Variants in CD34 observed in about 807,000 individuals in gnomAD.
The protein encoded by CD34 is hematopoietic progenitor cell antigen CD34.
A neutral mutation model predicts 40.1 loss-of-function variants in CD34; 34 were observed. The observed-to-expected ratio is 0.85, with a 90% CI of 0.65 to 1.13. CD34 has a LOEUF of 1.13. CD34 is among the 50% of genes most tolerant of loss of function. The pLI, the probability that CD34 is intolerant of heterozygous loss-of-function variation, is 0.00. For missense variants in CD34, 426 were observed against 466.9 expected (o/e 0.91, Z 0.81); for synonymous variants, 209 against 190.0 (o/e 1.10, Z -0.82).
At chr1:207,905,126 C>T (rs1482299779) in intron 1 of CD34, among the ~76,000 whole-genome samples, 1 of 152,124 alleles carries the variant, frequency 6.6e-6, no homozygotes, top group Non-Finnish European at 1.5e-5. Flanking sequence ...TAAAGAATGG[C>T]TTTTACATTC....
intron 6 of CD34, 86 bp downstream of exon 6, chr1:207,889,075 G>A (rs1370315126): frequency 3.1e-6 from 3 of 952,540 alleles, no homozygotes; most frequent in Non-Finnish European, 3.5e-6. Flanking sequence ...AGGTAGAACT[G>A]GGGAAGATAA....
chr1:207,891,249 A>G (rs1477624215), intron 4 of CD34, among the ~76,000 whole-genome samples: 2 of 152,192 alleles, frequency 1.3e-5, no homozygotes, highest in African/African-American at 4.8e-5. Flanking sequence ...TGAATATAGG[A>G]CACTGCGTGA....
chr1:207,899,091 G>T lies in CD34; in HGVS notation c.398C>A (p.Thr133Asn), dbSNP rs148688256. ...TPANVSTPET[T>N]LKPSLSPGNV... ...TCCAGGTGACAGGCTAGGCTTCAAG[G>T]TTGTCTCTGGAGTTGAAACGTTGGC... The change falls in exon 3 of 8, where the codon ACC becomes AAC. Residue 133 changes from threonine to asparagine, a missense_variant. Coordinates refer to ENST00000310833, the MANE Select transcript of CD34 (RefSeq NM_001025109.2). The T allele has an allele frequency of 4.8e-5, 78 of 1,614,106 alleles. No homozygotes were observed. Among genetic ancestry groups the T allele is most frequent in the Non-Finnish European group, 6.2e-5 (73 of 1,180,032 alleles).
intron 1 of CD34, among the ~76,000 whole-genome samples, chr1:207,903,508 T>C (rs549298652): frequency 1.3e-5 from 2 of 152,352 alleles, no homozygotes; most frequent in Admixed American, 1.3e-4. Context: ...TCCATCCTTA[T>C]TAACTGTGTT....
At chr1:207,889,667 T>C (rs765701929) in intron 4 of CD34, 46 bp from the exon 5 acceptor site, 12 of 1,612,182 alleles carry the variant, frequency 7.4e-6, no homozygotes, top group Admixed American at 1.7e-5. Flanking sequence ...AAATTACTGC[T>C]CTGCCCTAAA....
intron 4 of CD34, among the ~76,000 whole-genome samples, chr1:207,892,882 G>T (rs1662066412): frequency 6.6e-6 from 1 of 152,110 alleles, no homozygotes; most frequent in Admixed American, 6.5e-5. Flanking sequence ...CCAACCAGTT[G>T]GCCTCCACAC....
At chr1:207,889,028 TCAAGAC>T in intron 6 of CD34, 127 bp downstream of exon 6, 2 of 881,492 alleles carry the variant, frequency 2.3e-6, no homozygotes, top group Admixed American at 2.1e-5. Context: ...CATTTTTGGT[TCAAGAC>T]TAGAAAGGAG....
At chr1:207,891,821 C>T (rs2724400) in intron 4 of CD34, among the ~76,000 whole-genome samples, 75,380 of 150,260 alleles carry the variant, frequency 0.5, 19,250 homozygotes, top group African/African-American at 0.58. Context: ...TGAAGAGACT[C>T]CAGAGGCCAG....
Position 207,911,098 on chromosome 1 carries a change from T to C in CD34, c.-18A>G. On this transcript the variant is annotated 5_prime_UTR_variant, in exon 1 of 8. Coordinates refer to ENST00000310833, the MANE Select transcript of CD34 (RefSeq NM_001025109.2). ...ACCAGCATCCTTCCCGCGCGGCTCC[T>C]AGAGAGACGCACCGAGTGGAAGACA... The C allele has an allele frequency of 6.4e-7, 1 of 1,562,572 alleles. No individual in the cohort carries two copies. The highest frequency in any genetic ancestry group is 8.6e-7 in the Non-Finnish European group (1 of 1,157,674).
In CD34 at chr1:207,910,928, T is replaced by C. The variant is rs1367197808; in HGVS notation, c.79+74A>G. On this transcript the variant is annotated intron_variant, in intron 1 of 7. Transcript: ENST00000310833. ...TTCCCTCCGTGAGACTCTGCTCTGCTGTTCAGCCTCCCAGAAAGCCTCCAC... is the reference window on the plus strand; with the variant it reads ...TTCCCTCCGTGAGACTCTGCTCTGCCGTTCAGCCTCCCAGAAAGCCTCCAC... 2.9e-6 allele frequency: 4 copies of C among 1,402,862 alleles called. No individual in the cohort carries two copies. The African/African-American group carries it at 5.7e-5, about 20-fold the overall frequency. The allele number at this position is 1,402,862 out of a possible 1,614,324, so 86.9% of individuals were successfully genotyped here.
intron 1 of CD34, among the ~76,000 whole-genome samples, chr1:207,910,443 T>G (rs1255586531): frequency 1.3e-5 from 2 of 152,180 alleles, no homozygotes; most frequent in African/African-American, 2.4e-5. Context: ...TGTTTTTCCT[T>G]TTCACGGACT....
Position 207,899,114 on chromosome 1 carries a change from G to A in CD34, c.375C>T (p.Ala125=), listed in dbSNP as rs1662215440. Residue 125 remains alanine, a synonymous_variant, in exon 3 of 8, where the codon GCC becomes GCT. Transcript: ENST00000310833. ...AGGTTGTCTCTGGAGTTGAAACGTTGGCTGGGGTGGTGAACACTGTGCTGA... is the reference window on the plus strand; with the variant it reads ...AGGTTGTCTCTGGAGTTGAAACGTTAGCTGGGGTGGTGAACACTGTGCTGA... ...SVISTVFTTP[A]NVSTPETTLK... 6.2e-7 allele frequency: 1 copy of A among 1,614,104 alleles called. No homozygotes were observed. Among genetic ancestry groups the A allele is most frequent in the Non-Finnish European group, 8.5e-7 (1 of 1,180,046 alleles).
intron 1 of CD34, among the ~76,000 whole-genome samples, chr1:207,900,388 T>C (rs1236013073): frequency 6.6e-6 from 1 of 152,204 alleles, no homozygotes; most frequent in African/African-American, 2.4e-5. Context: ...TATGAGGTGA[T>C]GTTCATAGTA....
At chr1:207,897,386 A>G in intron 4 of CD34, 107 bp downstream of exon 4, 1 of 811,354 alleles carries the variant, frequency 1.2e-6, no homozygotes, top group Non-Finnish European at 2.1e-6. Context: ...AACTCCCCGG[A>G]CCCCTACTCA....
In CD34 at chr1:207,889,803, A is replaced by G. The variant is rs779472492; in HGVS notation, c.598-182T>C. On this transcript the variant is annotated intron_variant, in intron 4 of 7. Coordinates refer to ENST00000310833, the MANE Select transcript of CD34 (RefSeq NM_001025109.2). Reference sequence around the variant, plus strand: ...TATATGTGCAACAACACAATAAGAAAAAAACCTAAATAATCTCCCAGGACC... The same window carrying G: ...TATATGTGCAACAACACAATAAGAAGAAAACCTAAATAATCTCCCAGGACC... The G allele has an allele frequency of 9.0e-5, 142 of 1,579,464 alleles. 1 individual carries two copies. The Admixed American group carries it at 2.8e-3, about 32-fold the overall frequency.
chr1:207,908,754 C>T (rs1662440499), intron 1 of CD34, among the ~76,000 whole-genome samples: 1 of 152,238 alleles, frequency 6.6e-6, no homozygotes, highest in African/African-American at 2.4e-5. Context: ...CTTACCCTGA[C>T]TCTGCTCTGT....
At chr1:207,910,824 C>A (rs1038132244) in intron 1 of CD34, among the ~76,000 whole-genome samples, 178 bp downstream of exon 1, 1 of 150,942 alleles carries the variant, frequency 6.6e-6, no homozygotes, top group Admixed American at 6.6e-5. Flanking sequence ...CCCTCCCACC[C>A]CCGTCAGCTC....
intron 4 of CD34, chr1:207,890,070 T>G: frequency 7.8e-7 from 1 of 1,290,224 alleles, no homozygotes; most frequent in Non-Finnish European, 9.8e-7. Context: ...TAATATACAC[T>G]CAGTGGAAAC....
intron 1 of CD34, among the ~76,000 whole-genome samples, chr1:207,910,588 G>A (rs1662487313): frequency 1.3e-5 from 2 of 152,004 alleles, no homozygotes; most frequent in East Asian, 3.9e-4. Flanking sequence ...CCAGCAATCC[G>A]CTCCGTGTCT....
Sources: allele counts gnomAD v4.1 joint callset (sites outside exome capture counted in the v4.1 genomes callset), GRCh38; gene constraint gnomAD v4.1.1; transcripts MANE v1.5; gene names NCBI Gene and HGNC (gene_info 2026-07-23, HGNC 2026-07-21).